ABLIM3: variants seen among roughly 807,000 people sequenced by gnomAD.
ABLIM3 encodes the protein actin-binding LIM protein 3.
A neutral mutation model predicts 109.5 loss-of-function variants in ABLIM3; 61 were observed. The ratio of observed to expected loss-of-function variants is 0.56; its 90% CI spans 0.45 to 0.69. ABLIM3 has a LOEUF of 0.69. Among genes scored for constraint, ABLIM3 ranks in the 30% least tolerant of loss-of-function variants. The pLI, the probability that ABLIM3 is intolerant of heterozygous loss-of-function variation, is 0.00. For missense variants in ABLIM3, 796 were observed against 889.5 expected, an observed-to-expected ratio of 0.89 and a Z score of 1.34; for synonymous variants, 300 against 324.8, an observed-to-expected ratio of 0.92 and a Z score of 0.82.
chr5:149,179,871 G>A (rs1756307997), intron 2 of ABLIM3, among the ~76,000 whole-genome samples: 1 of 152,116 alleles, frequency 6.6e-6, no homozygotes, highest in South Asian at 2.1e-4. Context: ...TATTATATTG[G>A]ACAGCATAGA....
chr5:149,217,177 T>C, intron 8 of ABLIM3, 131 bp downstream of exon 8: 9 of 841,074 alleles, frequency 1.1e-5, no homozygotes, highest in Non-Finnish European at 1.5e-5. Flanking sequence ...TCCTCAGAAT[T>C]GCAATTAATT....
rs1165990404 is a variant in ABLIM3 at position 149,252,827 on chromosome 5, C to T, written c.1928C>T (p.Thr643Ile). Residue 643 changes from threonine to isoleucine, a missense_variant, in exon 23 of 24, where the codon ACC (threonine) becomes ATC (isoleucine). Physicochemically the swap from Thr to Ile is moderately conservative, Grantham distance 89. Coordinates refer to ENST00000309868, the MANE Select transcript of ABLIM3 (RefSeq NM_014945.5). ...RNRLPKDVDR[T>I]RLERHLSQEE... ...CGACTGCCCAAGGATGTAGACAGGA[C>T]CCGTTTAGAGGTAAGTCTAAAAAAC... 1.7e-5 allele frequency: 28 copies of T among 1,612,900 alleles called. No individual in the cohort carries two copies. Among genetic ancestry groups the T allele is most frequent in the Non-Finnish European group, 2.3e-5 (27 of 1,179,200 alleles).
At chr5:149,242,828 G>A (rs1252746021) in intron 15 of ABLIM3, among the ~76,000 whole-genome samples, 3 of 152,144 alleles carry the variant, frequency 2.0e-5, no homozygotes, top group South Asian at 2.1e-4. Flanking sequence ...TTTGTAAAAC[G>A]CACATGCCCC....
chr5:149,154,336 A>G (rs1753692598), intron 2 of ABLIM3, among the ~76,000 whole-genome samples: 1 of 152,232 alleles, frequency 6.6e-6, no homozygotes, highest in East Asian at 1.9e-4. Flanking sequence ...CTGTGATGTT[A>G]GCATTATATG....
At chr5:149,246,613 C>T (rs1467640913) in intron 17 of ABLIM3, 67 bp downstream of exon 17, 1 of 1,518,280 alleles carries the variant, frequency 6.6e-7, no homozygotes, top group African/African-American at 1.4e-5. Flanking sequence ...TTTTCATTTA[C>T]AAGCAACAAA....
At chr5:149,212,634 G>T (rs185144038) in intron 7 of ABLIM3, among the ~76,000 whole-genome samples, 1 of 152,202 alleles carries the variant, frequency 6.6e-6, no homozygotes. Context: ...GGGGCAGCTT[G>T]TGGACATGGG....
At position 149,201,805 on chromosome 5, in the gene ABLIM3, T is replaced by C. The variant is rs10463420; in HGVS notation, c.448+1377T>C. ...CAATGCTGCTGAGGACCTCCGAGAC[T>C]GATGGGGCCATGTGTGAGGCAGGAG... On this transcript the variant is annotated intron_variant, in intron 5 of 23. Transcript: ENST00000309868. Among the ~76,000 whole-genome samples the C allele has an allele frequency of 1.1e-4, 17 of 150,478 alleles. No individual in the cohort carries two copies. In the East Asian group the frequency reaches 2.6e-3, roughly 23 times the overall value.
intron 1 of ABLIM3, 56 bp from the exon 2 acceptor site, chr5:149,141,953 G>C: frequency 8.4e-7 from 1 of 1,195,946 alleles, no homozygotes; most frequent in Middle Eastern, 1.9e-4. Context: ...ACAGCAGAGG[G>C]AGAGAGAGCA....
chr5:149,143,345 A>G (rs1295246348), intron 2 of ABLIM3, among the ~76,000 whole-genome samples: 3 of 152,028 alleles, frequency 2.0e-5, no homozygotes, highest in Non-Finnish European at 4.4e-5. Flanking sequence ...CCTGGGCGAC[A>G]GAGTGAGACT....
intron 9 of ABLIM3, among the ~76,000 whole-genome samples, chr5:149,231,248 T>C (rs1210582751): frequency 4.6e-5 from 7 of 152,228 alleles, no homozygotes; most frequent in Non-Finnish European, 7.3e-5. Flanking sequence ...AGGTACGCGC[T>C]GGGCCAGCTG....
chr5:149,193,767 G>A (rs1017394665), intron 3 of ABLIM3, among the ~76,000 whole-genome samples: 1 of 152,160 alleles, frequency 6.6e-6, no homozygotes, highest in African/African-American at 2.4e-5. Context: ...AAGACCAATG[G>A]AACTGAATAT....
chr5:149,230,542 A>T (rs995855610), intron 8 of ABLIM3, 107 bp from the exon 9 acceptor site: 2 of 1,193,492 alleles, frequency 1.7e-6, no homozygotes, highest in African/African-American at 3.0e-5. Context: ...CTTCTGGCAG[A>T]TGTGTAAGGG....
Position 149,142,055 on chromosome 5 carries a change from G to T in ABLIM3, c.-41G>T. 6.2e-7 allele frequency: 1 copy of T among 1,613,912 alleles called. No individual in the cohort carries two copies. The highest frequency in any genetic ancestry group is 2.2e-5 in the East Asian group (1 of 44,838). The stretch of plus-strand genomic sequence containing the variant: ...ACGGAAGATTTAAAAAGCAGCCGGG[G>T]CCTCCGTATTGAATGAAAGACCCAG... On this transcript the variant is annotated 5_prime_UTR_variant, in exon 2 of 24. Coordinates refer to ENST00000309868, the MANE Select transcript of ABLIM3 (RefSeq NM_014945.5).
At chr5:149,186,107 T>G (rs891137664) in intron 3 of ABLIM3, among the ~76,000 whole-genome samples, 2 of 152,226 alleles carry the variant, frequency 1.3e-5, no homozygotes, top group Non-Finnish European at 1.5e-5. Context: ...GAAACTTGCC[T>G]GTTCCAACTT....
chr5:149,245,104 A>AGGGCCCTAACACCTGTGCC, intron 16 of ABLIM3, 89 bp downstream of exon 16: 1 of 1,519,114 alleles, frequency 6.6e-7, no homozygotes, highest in Admixed American at 1.8e-5. Flanking sequence ...TCCTTTATAC[A>AGGGCCCTAACACCTGTGCC]ATCATTCTGA....
At chr5:149,197,958 G>A (rs12513760) in intron 3 of ABLIM3, among the ~76,000 whole-genome samples, 7,532 of 152,204 alleles carry the variant, frequency 0.049, 471 homozygotes, top group Admixed American at 0.19. Context: ...AGAAGCTCTC[G>A]GGGTGATACT....
rs1264373878 is a variant in ABLIM3, at chr5:149,142,229, C to T, written c.13+121C>T. ...CTGGCATCTCTGGACACATGACCCC[C>T]AGGCTCTTTTTTGGTGCTTTCCGTG... is the stretch of plus-strand genomic sequence containing the variant. On this transcript the variant is annotated intron_variant, in intron 2 of 23. Transcript: ENST00000309868. 7 of 1,434,584 alleles carry T rather than the reference C, an allele frequency of 4.9e-6. No individual in the cohort carries two copies. In the East Asian group the frequency reaches 1.6e-4, roughly 33 times the overall value. 88.9% of individuals were successfully genotyped at this position (1,434,584 alleles called of 1,614,324 possible).
intron 23 of ABLIM3, among the ~76,000 whole-genome samples, chr5:149,255,419 TG>T (rs1424973386): frequency 2.6e-4 from 39 of 152,342 alleles, no homozygotes; most frequent in African/African-American, 9.4e-4. Flanking sequence ...CTCCTTTATT[TG>T]TGTCAATATT....
intron 15 of ABLIM3, among the ~76,000 whole-genome samples, chr5:149,242,966 A>T (rs761690528): frequency 2.6e-4 from 40 of 152,218 alleles, no homozygotes; most frequent in Admixed American, 1.3e-4. Flanking sequence ...CGGTTTCTCC[A>T]AGTGATTCTG....
Sources: gnomAD v4.1 joint callset for allele counts (sites outside exome capture counted in the v4.1 genomes callset) on GRCh38, gnomAD v4.1.1 for gene constraint, MANE v1.5 for transcripts, NCBI Gene and HGNC (gene_info 2026-07-23, HGNC 2026-07-21) for gene names.